Variants in EPHA4 observed in about 807,000 individuals in gnomAD.
EPHA4 encodes the protein EPH receptor A4, also known as ephrin type-A receptor 4.
A neutral mutation model predicts 108.3 loss-of-function variants in EPHA4; 19 were observed. The observed-to-expected ratio is 0.18, with a 90% confidence interval of 0.12 to 0.26. EPHA4 has a LOEUF of 0.26. EPHA4 is among the 10% of genes least tolerant of loss of function. EPHA4 has a pLI of 1.00. For missense variants in EPHA4, 917 were observed against 1,254.0 expected (o/e 0.73, Z 4.06); for synonymous variants, 449 against 455.5 (o/e 0.99, Z 0.18).
intron 15 of EPHA4, among the ~76,000 whole-genome samples, chr2:221,429,365 A>G (rs1409540404): frequency 2.6e-5 from 4 of 152,150 alleles, no homozygotes; most frequent in Non-Finnish European, 4.4e-5. Context: ...CAGGTGGTCC[A>G]ATCATTTTGG....
chr2:221,418,733 G>A lies in EPHA4; in HGVS notation c.*2639C>T, dbSNP rs985904288. 2 of 152,282 alleles carry A rather than the reference G, an allele frequency of 1.3e-5. No homozygotes were observed. The highest frequency in any genetic ancestry group is 6.5e-5 in the Admixed American group (1 of 15,276). The allele number at this position is 152,282 out of a possible 1,614,324, so 9.4% of individuals were successfully genotyped here. A position where few individuals can be genotyped will look rare whatever the true frequency, so the allele number is the denominator to read the frequency against. ...GTAGTTTCCCACTGCTCTAGAGATC[G>A]GCACATGAGTTAGCATTGGAGCTCA... On this transcript the variant is annotated 3_prime_UTR_variant, in exon 18 of 18. Coordinates refer to ENST00000281821, the MANE Select transcript of EPHA4 (RefSeq NM_004438.5).
chr2:221,493,498 C>T (rs768529209), intron 4 of EPHA4, among the ~76,000 whole-genome samples: 1 of 152,040 alleles, frequency 6.6e-6, no homozygotes. Context: ...CTTCTCCTGA[C>T]CTTGGAAACA....
intron 9 of EPHA4, among the ~76,000 whole-genome samples, chr2:221,444,194 T>C (rs1214803441): frequency 6.6e-6 from 1 of 152,200 alleles, no homozygotes; most frequent in African/African-American, 2.4e-5. Flanking sequence ...AAAGAAGGTG[T>C]CATAAGCTAA....
intron 2 of EPHA4, among the ~76,000 whole-genome samples, chr2:221,566,680 A>C (rs962394589): frequency 6.6e-6 from 1 of 151,618 alleles, no homozygotes; most frequent in Non-Finnish European, 1.5e-5. Context: ...GGTCGTATAC[A>C]GTCAGCTCTG....
intron 14 of EPHA4, 57 bp from the exon 15 acceptor site, chr2:221,430,208 T>C (rs1690031726): frequency 3.3e-6 from 5 of 1,521,172 alleles, no homozygotes; most frequent in Non-Finnish European, 4.4e-6. Flanking sequence ...TGTTCAAGGT[T>C]CACCCTTCCG....
intron 3 of EPHA4, among the ~76,000 whole-genome samples, chr2:221,538,796 T>C (rs1693746400): frequency 1.3e-5 from 2 of 152,232 alleles, no homozygotes; most frequent in South Asian, 4.1e-4. Flanking sequence ...CAAAAATCAA[T>C]GGGCTGCTTA....
At chr2:221,468,035 A>G (rs1045146869) in intron 5 of EPHA4, among the ~76,000 whole-genome samples, 2 of 151,966 alleles carry the variant, frequency 1.3e-5, no homozygotes, top group African/African-American at 4.8e-5. Context: ...ATAAATATAC[A>G]TTTTTTTCTC....
At chr2:221,463,315 T>C (rs3755034) in intron 5 of EPHA4, among the ~76,000 whole-genome samples, 3,591 of 152,286 alleles carry the variant, frequency 0.024, 91 homozygotes, top group East Asian at 0.081. Flanking sequence ...AGCTTTCCAA[T>C]AGAGGTCCAA....
intron 5 of EPHA4, among the ~76,000 whole-genome samples, chr2:221,461,976 G>A (rs1691157457): frequency 2.4e-5 from 3 of 124,558 alleles, no homozygotes; most frequent in African/African-American, 8.2e-5. Context: ...GGGGGCTGAT[G>A]AACACATTCT....
At chr2:221,500,804 T>C (rs1692463768) in intron 4 of EPHA4, among the ~76,000 whole-genome samples, 1 of 152,224 alleles carries the variant, frequency 6.6e-6, no homozygotes, top group South Asian at 2.1e-4. Context: ...CCAAGTAGTC[T>C]GTAGGCAGCT....
At position 221,482,387 on chromosome 2, in the gene EPHA4, T is replaced by G. The variant is rs1159235217; in HGVS notation, c.1283A>C (p.Gln428Pro). The G allele has an allele frequency of 6.2e-7, 1 of 1,610,976 alleles. No individual in the cohort carries two copies. Among genetic ancestry groups the G allele is most frequent in the Admixed American group, 1.7e-5 (1 of 59,906 alleles). The change falls in exon 5 of 18, where the codon CAA (glutamine) becomes CCA (proline). Residue 428 changes from glutamine to proline, a missense_variant. This residue lies in a region of EPHA4 where 758 missense variants were observed against 1,076.7 expected (regional missense o/e 0.70). Transcript: ENST00000281821. Reference sequence around the variant, plus strand: ...GGTGGTCACAGTGACAGAAACTGATTGGTCTGGGTTAGGGTTATATTTGGA... The same window carrying G: ...GGTGGTCACAGTGACAGAAACTGATGGGTCTGGGTTAGGGTTATATTTGGA... Reference protein sequence around the residue: ...GVSKYNPNPDQSVSVTVTTNQ... With the variant: ...GVSKYNPNPDPSVSVTVTTNQ...
Position 221,425,979 on chromosome 2 carries a change from T to C in EPHA4, c.*49A>G. On this transcript the variant is annotated 3_prime_UTR_variant, in exon 17 of 18. Coordinates refer to ENST00000281821, the MANE Select transcript of EPHA4 (RefSeq NM_004438.5). ...AGTGCAGTTCTTCAATTAAAGTGCATGGATGAGGTAAACTAATTTCAAGAG... is the reference window on the plus strand; with the variant it reads ...AGTGCAGTTCTTCAATTAAAGTGCACGGATGAGGTAAACTAATTTCAAGAG... The C allele has an allele frequency of 2.7e-6, 4 of 1,478,944 alleles. No individual in the cohort carries two copies. Among genetic ancestry groups the C allele is most frequent in the Middle Eastern group, 1.7e-4 (1 of 5,790 alleles). The allele number at this position is 1,478,944 out of a possible 1,614,324, so 91.6% of individuals were successfully genotyped here. A position where few individuals can be genotyped will look rare whatever the true frequency, so the allele number is the denominator to read the frequency against.
At chr2:221,525,063 G>T (rs1693280848) in intron 3 of EPHA4, among the ~76,000 whole-genome samples, 1 of 151,984 alleles carries the variant, frequency 6.6e-6, no homozygotes, top group African/African-American at 2.4e-5. Context: ...TTTACTATTT[G>T]CAATGCTCAC....
chr2:221,492,545 T>C (rs1438771028), intron 4 of EPHA4, among the ~76,000 whole-genome samples: 1 of 152,140 alleles, frequency 6.6e-6, no homozygotes, highest in African/African-American at 2.4e-5. Flanking sequence ...ACAAAAACCA[T>C]CCACTTGGTT....
chr2:221,507,256 T>C (rs1005925285), intron 3 of EPHA4, among the ~76,000 whole-genome samples: 2 of 152,222 alleles, frequency 1.3e-5, no homozygotes, highest in Admixed American at 1.3e-4. Context: ...ATAAAGTGCA[T>C]GTTCTTGTCA....
At chr2:221,473,221 G>A (rs771437799) in intron 5 of EPHA4, among the ~76,000 whole-genome samples, 17 of 152,100 alleles carry the variant, frequency 1.1e-4, no homozygotes, top group African/African-American at 2.2e-4. Flanking sequence ...TGGGGGTGGC[G>A]GGTGGAAAGG....
At position 221,571,974 on chromosome 2, in the gene EPHA4, GGCTGTCCGGCGGTTCCCC is replaced by G. The variant is rs1694852829; in HGVS notation, c.91+166_91+183del. Among the ~76,000 whole-genome samples the G allele has an allele frequency of 6.6e-6, 1 of 152,164 alleles. No individual in the cohort carries two copies. The highest frequency in any genetic ancestry group is 2.4e-5 in the African/African-American group (1 of 41,446). ...GTGCACGGGTCACCGCCTCGGGGCA[GGCTGTCCGGCGGTTCCCC>G]GCTGCCCCTTCGCCGATCCCCTCGC... On this transcript the variant is annotated intron_variant, in intron 1 of 17. Coordinates refer to ENST00000281821, the MANE Select transcript of EPHA4 (RefSeq NM_004438.5). This position sits in a 1 kb window ranked among gnomAD's most constrained non-coding sequence, Gnocchi z 6.3.
At chr2:221,555,388 A>AC (rs1694276788) in intron 3 of EPHA4, among the ~76,000 whole-genome samples, 2 of 152,240 alleles carry the variant, frequency 1.3e-5, no homozygotes, top group Non-Finnish European at 2.9e-5. Context: ...CATGAGGACG[A>AC]ATACAGAATA....
In EPHA4 at chr2:221,550,418, G is replaced by GGAGAGA. The variant is rs71406572; in HGVS notation, c.823+13307_823+13312dup. 4.1e-4 allele frequency among the ~76,000 whole-genome samples: 55 copies of GGAGAGA among 135,660 alleles called. 1 individual carries two copies. Among genetic ancestry groups the GGAGAGA allele is most frequent in the South Asian group, 7.6e-4 (3 of 3,966 alleles). 89.0% of individuals were successfully genotyped at this position (135,660 alleles called of 152,430 possible). A position where few individuals can be genotyped will look rare whatever the true frequency, so the allele number is the denominator to read the frequency against. On this transcript the variant is annotated intron_variant, in intron 3 of 17. Coordinates refer to ENST00000281821, the MANE Select transcript of EPHA4 (RefSeq NM_004438.5). ...AGTACCAAAACCTGATGAGGAAAGG[G>GGAGAGA]GAGAGAGAGAGAGAGAGAGAGAGAG...
Sources: gnomAD v4.1 joint callset for allele counts (sites outside exome capture counted in the v4.1 genomes callset) on GRCh38, gnomAD v4.1.1 for gene constraint, gnomAD v4.1.1 regional missense constraint, Gnocchi (gnomAD v3.1) non-coding constraint, MANE v1.5 for transcripts, NCBI Gene and HGNC (gene_info 2026-07-23, HGNC 2026-07-21) for gene names.